Variants in CNIH3 observed in about 807,000 individuals in gnomAD.
CNIH3 encodes cornichon family AMPA receptor auxiliary protein 3.
CNIH3 carries 14 observed loss-of-function variants against 24.1 expected under a neutral mutation model. The ratio of observed to expected loss-of-function variants is 0.58; its 90% CI spans 0.38 to 0.91. The LOEUF is 0.91. Ranked by LOEUF, CNIH3 falls within the 40% of genes least tolerant of loss-of-function variation. The pLI, the probability that CNIH3 is intolerant of heterozygous loss-of-function variation, is 0.00. For synonymous variants in CNIH3, 68 were observed against 73.8 expected, an observed-to-expected ratio of 0.92 and a Z score of 0.40; for missense variants, 178 against 196.8, an observed-to-expected ratio of 0.90 and a Z score of 0.57.
At chr1:224,733,318 C>T (rs903477776) in intron 4 of CNIH3, among the ~76,000 whole-genome samples, 4 of 152,178 alleles carry the variant, frequency 2.6e-5, no homozygotes, top group Admixed American at 6.5e-5. Context: ...GCTGTTTCCA[C>T]GGAGCCACAT....
chr1:224,460,796 G>C (rs1482485857), intron 1 of CNIH3, among the ~76,000 whole-genome samples: 1 of 150,292 alleles, frequency 6.7e-6, no homozygotes, highest in Non-Finnish European at 1.5e-5. Flanking sequence ...TAGATATGTG[G>C]TCTCATTTGG....
At position 224,712,850 on chromosome 1, in the gene CNIH3, G is replaced by GT. The variant is rs540126665; in HGVS notation, c.199-17607dup. Among the ~76,000 whole-genome samples, 351 of 152,274 alleles carry GT rather than the reference G, an allele frequency of 2.3e-3. 1 individual carries two copies. Among genetic ancestry groups the GT allele is most frequent in the Middle Eastern group, 0.014 (4 of 294 alleles). On this transcript the variant is annotated intron_variant, in intron 3 of 5. Coordinates refer to ENST00000272133, the MANE Select transcript of CNIH3 (RefSeq NM_152495.2). Reference sequence around the variant, plus strand: ...CTGGCTCTCTGATGATCAACTGGGTGTTTTTAAAATAGAATGTTTCAGCTC... The same window carrying GT: ...CTGGCTCTCTGATGATCAACTGGGTGTTTTTTAAAATAGAATGTTTCAGCTC...
downstream of CNIH3, chr1:224,537,708 C>G (rs1679342714): frequency 6.6e-6 from 1 of 152,200 alleles, no homozygotes; most frequent in African/African-American, 2.4e-5. Flanking sequence ...ACTTTTGGTT[C>G]ACACATATAA....
intron 3 of CNIH3, among the ~76,000 whole-genome samples, chr1:224,700,295 A>C (rs960844116): frequency 2.6e-5 from 4 of 152,184 alleles, no homozygotes; most frequent in African/African-American, 9.7e-5. Context: ...CATTTAACCT[A>C]ATTGCTTCTT....
intron 1 of CNIH3, among the ~76,000 whole-genome samples, chr1:224,660,142 G>A (rs1846501): frequency 6.6e-6 from 1 of 152,020 alleles, no homozygotes; most frequent in Non-Finnish European, 1.5e-5. Context: ...TAAAGACATA[G>A]CTGAGACTAG....
At chr1:224,450,912 C>T (rs1405169886) in intron 1 of CNIH3, among the ~76,000 whole-genome samples, 3 of 152,196 alleles carry the variant, frequency 2.0e-5, no homozygotes, top group Non-Finnish European at 4.4e-5. Context: ...TTAATATAAC[C>T]ACAAGAATGT....
intron 1 of CNIH3, among the ~76,000 whole-genome samples, chr1:224,625,779 G>A (rs995395205): frequency 6.6e-6 from 1 of 152,176 alleles, no homozygotes; most frequent in African/African-American, 2.4e-5. Flanking sequence ...GACAGGAAAG[G>A]GCTGTCAGAT....
chr1:224,537,960 T>A (rs145305348), downstream of CNIH3, among the ~76,000 whole-genome samples: 1,789 of 151,930 alleles, frequency 0.012, 38 homozygotes, highest in African/African-American at 0.036. Flanking sequence ...TATTATTATT[T>A]TTTTTTTTGA....
At chr1:224,613,911 C>A (rs1682818811), upstream of CNIH3, among the ~76,000 whole-genome samples, 1 of 151,420 alleles carries the variant, frequency 6.6e-6, no homozygotes, top group Non-Finnish European at 1.5e-5. Context: ...CAGGGTCTGG[C>A]TCTATTGCCT....
At chr1:224,538,146 A>C (rs1248481119), downstream of CNIH3, among the ~76,000 whole-genome samples, 2 of 151,954 alleles carry the variant, frequency 1.3e-5, no homozygotes, top group Admixed American at 6.6e-5. Context: ...ATGGAGTTTC[A>C]CCATATTGGC....
chr1:224,599,493 T>C (rs1006655475), intron 3 of CNIH3, among the ~76,000 whole-genome samples: 2 of 152,180 alleles, frequency 1.3e-5, no homozygotes, highest in African/African-American at 4.8e-5. Flanking sequence ...TTATGCCTTT[T>C]ACATAATTTA....
chr1:224,610,197 G>T (rs1040977320), intron 3 of CNIH3, among the ~76,000 whole-genome samples: 8 of 152,172 alleles, frequency 5.3e-5, no homozygotes, highest in Non-Finnish European at 1.2e-4. Context: ...TGATAGGTTC[G>T]ATGTATTAAA....
intron 1 of CNIH3, among the ~76,000 whole-genome samples, chr1:224,643,399 G>A (rs1684453599): frequency 6.6e-6 from 1 of 152,214 alleles, no homozygotes; most frequent in Non-Finnish European, 1.5e-5. Flanking sequence ...AGGAAACTAG[G>A]GAAAATGCAG....
At chr1:224,610,223 A>G (rs1330578996) in intron 3 of CNIH3, among the ~76,000 whole-genome samples, 4 of 152,232 alleles carry the variant, frequency 2.6e-5, no homozygotes, top group Admixed American at 2.6e-4. Context: ...TTTGATGTAC[A>G]CTATTTTCAA....
chr1:224,734,174 T>C lies in CNIH3; in HGVS notation c.312-389T>C, dbSNP rs183076912. Reference sequence around the variant, plus strand: ...TCAGGATTTTCAATAAGGGTCTGTGTAAAGTAGTTTTAGGGTAGAATGGAG... The same window carrying C: ...TCAGGATTTTCAATAAGGGTCTGTGCAAAGTAGTTTTAGGGTAGAATGGAG... On this transcript the variant is annotated intron_variant, in intron 4 of 5. Coordinates refer to ENST00000272133, the MANE Select transcript of CNIH3 (RefSeq NM_152495.2). Among the ~76,000 whole-genome samples the C allele has an allele frequency of 1.9e-3, 291 of 152,352 alleles. 1 individual carries two copies. The highest frequency in any genetic ancestry group is 3.3e-3 in the Non-Finnish European group (224 of 68,032).
intron 1 of CNIH3, among the ~76,000 whole-genome samples, chr1:224,679,202 T>C (rs1325128582): frequency 6.6e-6 from 1 of 151,976 alleles, no homozygotes; most frequent in African/African-American, 2.4e-5. Flanking sequence ...TTTTTGTACA[T>C]GGTGGCACAC....
chr1:224,605,341 A>T (rs983635088), intron 3 of CNIH3, among the ~76,000 whole-genome samples: 2 of 152,166 alleles, frequency 1.3e-5, no homozygotes, highest in Non-Finnish European at 2.9e-5. Flanking sequence ...CAGTAAGAGA[A>T]ATCTGACATG....
intron 1 of CNIH3, among the ~76,000 whole-genome samples, chr1:224,680,326 C>CT (rs1449320352): frequency 6.6e-6 from 1 of 152,210 alleles, no homozygotes; most frequent in African/African-American, 2.4e-5. Context: ...CTCCAGCATT[C>CT]TTTCCTCCAG....
intron 1 of CNIH3, among the ~76,000 whole-genome samples, chr1:224,446,471 GT>G (rs1034821502): frequency 6.6e-6 from 1 of 152,042 alleles, no homozygotes; most frequent in Non-Finnish European, 1.5e-5. Context: ...GGTTTTCTGT[GT>G]AGAAGTCTTG....
Sources: allele counts gnomAD v4.1 joint callset (sites outside exome capture counted in the v4.1 genomes callset), GRCh38; gene constraint gnomAD v4.1.1; transcripts MANE v1.5; gene names NCBI Gene and HGNC (gene_info 2026-07-23, HGNC 2026-07-21).